Variants in LRBA observed in about 807,000 individuals in gnomAD.
The protein encoded by LRBA is lipopolysaccharide-responsive and beige-like anchor protein.
In LRBA, 176 loss-of-function variants were observed where a neutral mutation model predicts 330.0. That is an observed-to-expected ratio of 0.53 (90% confidence interval 0.47 to 0.60). The LOEUF (loss-of-function observed/expected upper bound fraction) is 0.60. Among genes scored for constraint, LRBA ranks in the 20% least tolerant of loss-of-function variants. The pLI, the probability that LRBA is intolerant of heterozygous loss-of-function variation, is 0.00. For synonymous variants in LRBA, 1,230 were observed against 1,193.0 expected, an observed-to-expected ratio of 1.03 and a Z score of -0.64; for missense variants, 3,259 against 3,444.8, an observed-to-expected ratio of 0.95 and a Z score of 1.35.
intron 40 of LRBA, among the ~76,000 whole-genome samples, chr4:150,511,668 T>A (rs536850054): frequency 6.6e-6 from 1 of 152,354 alleles, no homozygotes; most frequent in South Asian, 2.1e-4. Flanking sequence ...CCAGGATCTA[T>A]GCTAAGTGAT....
chr4:150,339,312 C>T (rs907874416), intron 48 of LRBA, among the ~76,000 whole-genome samples: 10 of 152,062 alleles, frequency 6.6e-5, no homozygotes, highest in South Asian at 2.1e-4. Context: ...CAAAGTTACA[C>T]GAAGATCATT....
intron 40 of LRBA, among the ~76,000 whole-genome samples, chr4:150,549,285 TTC>T (rs1291984615): frequency 6.6e-6 from 1 of 151,922 alleles, no homozygotes; most frequent in Non-Finnish European, 1.5e-5. Context: ...TTTTCTAACA[TTC>T]TGTCATGTAG....
intron 47 of LRBA, among the ~76,000 whole-genome samples, chr4:150,380,035 C>T (rs1741967191): frequency 1.4e-5 from 2 of 147,148 alleles, no homozygotes; most frequent in African/African-American, 5.0e-5. Context: ...AAAAATTAGC[C>T]AGGTATGGTG....
chr4:150,740,323 G>C (rs1731774314), intron 35 of LRBA, among the ~76,000 whole-genome samples: 1 of 151,904 alleles, frequency 6.6e-6, no homozygotes, highest in South Asian at 2.1e-4. Flanking sequence ...AGTGAACACT[G>C]AAAGTTAAAT....
At position 150,315,560 on chromosome 4, in the gene LRBA, C is replaced by A. The variant is rs1398279927; in HGVS notation, c.7693+1G>T. The stretch of plus-strand genomic sequence containing the variant: ...CGCAAAGAGAGAAGGAAGTGACAGA[C>A]CTATGAGAGGATCGATTTCCACTGG... On this transcript the variant is annotated splice_donor_variant, in intron 51 of 56. Transcript: ENST00000651943. LOFTEE classifies it high-confidence loss of function. 1.9e-6 allele frequency: 3 copies of A among 1,611,474 alleles called. No individual in the cohort carries two copies. The East Asian group carries it at 6.7e-5, about 36-fold the overall frequency.
intron 53 of LRBA, among the ~76,000 whole-genome samples, chr4:150,302,208 C>A (rs574124640): frequency 2.4e-4 from 36 of 152,212 alleles, no homozygotes; most frequent in African/African-American, 8.7e-4. Context: ...CTTTTTAATA[C>A]ATAAATGAAA....
At chr4:150,720,198 A>G (rs1239530107) in intron 36 of LRBA, among the ~76,000 whole-genome samples, 1 of 152,162 alleles carries the variant, frequency 6.6e-6, no homozygotes, top group African/African-American at 2.4e-5. Context: ...ACAATGGAAC[A>G]AAAAAGTATG....
At chr4:150,627,946 C>T (rs115621810) in intron 37 of LRBA, among the ~76,000 whole-genome samples, 1,958 of 152,092 alleles carry the variant, frequency 0.013, 34 homozygotes, top group African/African-American at 0.045. Flanking sequence ...TGACACTATA[C>T]TAAATTTTTA....
At position 150,405,037 on chromosome 4, in the gene LRBA, G is replaced by A. The variant is rs187262764; in HGVS notation, c.7194+10401C>T. On this transcript the variant is annotated intron_variant, in intron 47 of 56. Coordinates refer to ENST00000651943, the MANE Select transcript of LRBA (RefSeq NM_001364905.1). ...AAAAAGCTCATGAACTTTAACGGTG[G>A]GAGGCATTGGGTCATTCCTCAAGCT... Among the ~76,000 whole-genome samples, 311 of 152,190 alleles carry A rather than the reference G, an allele frequency of 2.0e-3. 1 individual carries two copies. Among genetic ancestry groups the A allele is most frequent in the African/African-American group, 7.1e-3 (296 of 41,514 alleles).
intron 38 of LRBA, chr4:150,596,978 A>G (rs1337096950): frequency 1.8e-6 from 1 of 557,530 alleles, no homozygotes; most frequent in Admixed American, 3.1e-5. Flanking sequence ...AATCTCCTAC[A>G]CATTTAGATT....
chr4:150,579,661 A>C, intron 40 of LRBA: 1 of 456,734 alleles, frequency 2.2e-6, no homozygotes, highest in Non-Finnish European at 4.4e-6. Context: ...CAGAGCCGCC[A>C]GTGGAGGTGC....
At chr4:150,729,190 T>A (rs1730117124) in intron 36 of LRBA, among the ~76,000 whole-genome samples, 1 of 152,092 alleles carries the variant, frequency 6.6e-6, no homozygotes, top group South Asian at 2.1e-4. Flanking sequence ...TAGTGGCACA[T>A]GCCTGTAGTG....
intron 13 of LRBA, among the ~76,000 whole-genome samples, chr4:150,905,258 G>A (rs149785351): frequency 1.3e-3 from 193 of 152,030 alleles, no homozygotes; most frequent in Middle Eastern, 6.8e-3. Context: ...AAATGATTAC[G>A]AGACTAGTAT....
chr4:150,852,028 A>C lies in LRBA; in HGVS notation c.3682T>G (p.Cys1228Gly). 1 of 1,614,028 alleles carries C rather than the reference A, an allele frequency of 6.2e-7. No individual in the cohort carries two copies. Among genetic ancestry groups the C allele is most frequent in the Non-Finnish European group, 8.5e-7 (1 of 1,179,944 alleles). Residue 1228 changes from cysteine (C) to glycine (G), a missense_variant, in exon 23 of 57, where the codon TGT becomes GGT. Transcript: ENST00000651943. The stretch of plus-strand genomic sequence containing the variant: ...GAAGCCTCAGAGACACTACCATGAC[A>C]ATCATTAATTAATTTGGTTTCTCTA... ...LTRETKLIND[C>G]HGSVSEASSE...
rs147451258 is a variant in LRBA at position 150,819,554 on chromosome 4, G to A, written c.5172-2297C>T. Among the ~76,000 whole-genome samples, 1,181 of 152,176 alleles carry A rather than the reference G, an allele frequency of 7.8e-3. 6 individuals carry two copies. The highest frequency in any genetic ancestry group is 0.012 in the Non-Finnish European group (824 of 67,958). ...GATTGATTGATGGATACATGGTGAA[G>A]CAAACAGAGCTAAAAGCTAATTGTT... On this transcript the variant is annotated intron_variant, in intron 30 of 56. Transcript: ENST00000651943.
chr4:150,577,420 T>A (rs12504581), intron 40 of LRBA, among the ~76,000 whole-genome samples: 21,515 of 148,920 alleles, frequency 0.14, 1,557 homozygotes, highest in Middle Eastern at 0.18. Flanking sequence ...TTCATTTTTT[T>A]AAAAAAAAAA....
chr4:150,414,651 C>G (rs536034866), intron 47 of LRBA, among the ~76,000 whole-genome samples: 2 of 151,958 alleles, frequency 1.3e-5, no homozygotes, highest in Non-Finnish European at 2.9e-5. Context: ...CCACCACATC[C>G]GGCTAATTTT....
chr4:150,326,460 G>A (rs1346500065), intron 48 of LRBA, among the ~76,000 whole-genome samples: 1 of 152,196 alleles, frequency 6.6e-6, no homozygotes, highest in Non-Finnish European at 1.5e-5. Flanking sequence ...CTAAGCATGA[G>A]ATGGTTAAAC....
chr4:150,536,740 C>T (rs548461917), intron 40 of LRBA, among the ~76,000 whole-genome samples: 1 of 152,224 alleles, frequency 6.6e-6, no homozygotes, highest in East Asian at 1.9e-4. Context: ...AGAACACAAT[C>T]CCATTTATAA....
Sources: gnomAD v4.1 joint callset for allele counts (sites outside exome capture counted in the v4.1 genomes callset) on GRCh38, gnomAD v4.1.1 for gene constraint, MANE v1.5 for transcripts, NCBI Gene and HGNC (gene_info 2026-07-23, HGNC 2026-07-21) for gene names.